CNTLN: variants seen among roughly 807,000 people sequenced by gnomAD.
CNTLN encodes the protein centlein, centrosomal protein.
CNTLN carries 212 observed loss-of-function variants against 180.0 expected under a neutral mutation model. The observed-to-expected ratio is 1.18, with a 90% CI of 1.05 to 1.32. CNTLN has a LOEUF of 1.32. Among genes scored for constraint, CNTLN ranks in the 40% most tolerant of loss-of-function variants. The pLI is 0.00. For synonymous variants in CNTLN, 722 were observed against 563.1 expected (o/e 1.28, Z -3.99); for missense variants, 2,095 against 1,610.9 (o/e 1.30, Z -5.14).
Position 17,223,816 on chromosome 9 carries a change from A to G in CNTLN, c.450-2387A>G, listed in dbSNP as rs148033463. Among the ~76,000 whole-genome samples the G allele has an allele frequency of 5.2e-3, 788 of 152,136 alleles. 5 individuals carry two copies. Among genetic ancestry groups the G allele is most frequent in the African/African-American group, 0.018 (756 of 41,522 alleles). On this transcript the variant is annotated intron_variant, in intron 2 of 25. Coordinates refer to ENST00000380647, the MANE Select transcript of CNTLN (RefSeq NM_017738.4). ...AGATCCAAATTTCACAGGGCCTAGA[A>G]GGCCACATATTATTTTATCCCCAGT...
chr9:17,319,507 C>T (rs1819761857), intron 8 of CNTLN, among the ~76,000 whole-genome samples: 1 of 151,910 alleles, frequency 6.6e-6, no homozygotes, highest in Non-Finnish European at 1.5e-5. Flanking sequence ...CTTTTTTGTG[C>T]AGGATTTTGG....
chr9:17,388,882 T>A (rs1180844719), intron 14 of CNTLN, among the ~76,000 whole-genome samples: 2 of 151,912 alleles, frequency 1.3e-5, no homozygotes, highest in Non-Finnish European at 2.9e-5. Context: ...TAATTTGCAT[T>A]TTTATAAATA....
chr9:17,381,698 A>G (rs1196803909), intron 13 of CNTLN, among the ~76,000 whole-genome samples: 2 of 152,196 alleles, frequency 1.3e-5, no homozygotes, highest in Non-Finnish European at 2.9e-5. Flanking sequence ...AGCATGCAGT[A>G]ATAAACATTT....
At chr9:17,352,691 AC>A (rs1488367115) in intron 12 of CNTLN, among the ~76,000 whole-genome samples, 1 of 152,094 alleles carries the variant, frequency 6.6e-6, no homozygotes. Context: ...ATGCCCATTA[AC>A]CAGTCAGTCT....
At chr9:17,343,498 C>T (rs1564011773) in intron 12 of CNTLN, among the ~76,000 whole-genome samples, 1 of 152,084 alleles carries the variant, frequency 6.6e-6, no homozygotes, top group Admixed American at 6.6e-5. Context: ...GAGGAAATGA[C>T]TAGACCATAT....
chr9:17,267,647 T>G (rs1312900062), intron 5 of CNTLN, among the ~76,000 whole-genome samples: 1 of 152,154 alleles, frequency 6.6e-6, no homozygotes, highest in Non-Finnish European at 1.5e-5. Context: ...CCAACTTGGT[T>G]CCATTCTCCC....
chr9:17,347,327 C>T (rs1821978211), intron 12 of CNTLN, among the ~76,000 whole-genome samples: 1 of 152,062 alleles, frequency 6.6e-6, no homozygotes, highest in Non-Finnish European at 1.5e-5. Flanking sequence ...TCTCAACCTA[C>T]CTTGGGTTAT....
At chr9:17,308,140 G>A (rs763272039) in intron 7 of CNTLN, among the ~76,000 whole-genome samples, 1 of 152,008 alleles carries the variant, frequency 6.6e-6, no homozygotes, top group African/African-American at 2.4e-5. Flanking sequence ...TTAGGATCAA[G>A]TTCACAAGTT....
intron 8 of CNTLN, among the ~76,000 whole-genome samples, chr9:17,320,115 T>G (rs1819804870): frequency 6.6e-6 from 1 of 152,248 alleles, no homozygotes; most frequent in Non-Finnish European, 1.5e-5. Flanking sequence ...ATGAGATACA[T>G]GCCATGTGGC....
chr9:17,325,575 A>G (rs377138260), intron 8 of CNTLN, among the ~76,000 whole-genome samples: 37 of 89,658 alleles, frequency 4.1e-4, no homozygotes, highest in African/African-American at 1.1e-3. Context: ...ACACACACAC[A>G]CGCACACACA....
At chr9:17,273,104 G>T (rs897411771) in intron 5 of CNTLN, among the ~76,000 whole-genome samples, 2 of 151,784 alleles carry the variant, frequency 1.3e-5, no homozygotes, top group South Asian at 4.2e-4. Flanking sequence ...TATATATTTA[G>T]TTCTTTGCAA....
chr9:17,381,925 T>G (rs1358620591), intron 13 of CNTLN, among the ~76,000 whole-genome samples: 1 of 152,176 alleles, frequency 6.6e-6, no homozygotes, highest in African/African-American at 2.4e-5. Context: ...GCATACAATT[T>G]CTTGAGTTCT....
chr9:17,395,525 C>T (rs773271832), intron 15 of CNTLN, among the ~76,000 whole-genome samples: 5 of 152,088 alleles, frequency 3.3e-5, no homozygotes, highest in Non-Finnish European at 5.9e-5. Flanking sequence ...TTTGAATGAC[C>T]CATTTCAGCT....
At chr9:17,353,221 A>G (rs1303049828) in intron 12 of CNTLN, among the ~76,000 whole-genome samples, 1 of 151,022 alleles carries the variant, frequency 6.6e-6, no homozygotes, top group Non-Finnish European at 1.5e-5. Flanking sequence ...CTCCCAGAGT[A>G]CTGGGATTAT....
intron 2 of CNTLN, among the ~76,000 whole-genome samples, chr9:17,177,739 C>T (rs1453059335): frequency 1.3e-5 from 2 of 152,078 alleles, no homozygotes; most frequent in East Asian, 1.9e-4. Context: ...AGCTGCAGAC[C>T]TTCGCGGTGA....
intron 20 of CNTLN, among the ~76,000 whole-genome samples, chr9:17,463,953 AG>A (rs1831598213): frequency 6.6e-6 from 1 of 151,474 alleles, no homozygotes; most frequent in African/African-American, 2.4e-5. Context: ...CAGCAGCAGC[AG>A]CAGTAGCAGT....
chr9:17,508,520 C>T (rs1763022773), downstream of CNTLN, among the ~76,000 whole-genome samples: 1 of 152,186 alleles, frequency 6.6e-6, no homozygotes, highest in African/African-American at 2.4e-5. Context: ...AGATACAGAA[C>T]TGTTCCATCA....
At chr9:17,269,480 C>G (rs1436843451) in intron 5 of CNTLN, among the ~76,000 whole-genome samples, 1 of 152,022 alleles carries the variant, frequency 6.6e-6, no homozygotes, top group African/African-American at 2.4e-5. Context: ...TTATTTGTCT[C>G]AAGGTATTTT....
chr9:17,483,835 A>G (rs1031093841), intron 23 of CNTLN, among the ~76,000 whole-genome samples: 9 of 152,234 alleles, frequency 5.9e-5, no homozygotes, highest in Middle Eastern at 3.2e-3. Flanking sequence ...GTAATCTACT[A>G]TTGATAAAAT....
Sources: gnomAD v4.1 joint callset for allele counts (sites outside exome capture counted in the v4.1 genomes callset) on GRCh38, gnomAD v4.1.1 for gene constraint, MANE v1.5 for transcripts, NCBI Gene and HGNC (gene_info 2026-07-23, HGNC 2026-07-21) for gene names.